Variants in FHIT observed in about 807,000 individuals in gnomAD.
The protein encoded by FHIT is fragile histidine triad diadenosine triphosphatase.
In FHIT, 19 loss-of-function variants were observed where a neutral mutation model predicts 17.9. The ratio of observed to expected loss-of-function variants is 1.06; its 90% CI spans 0.74 to 1.56. The LOEUF (loss-of-function observed/expected upper bound fraction) is 1.56, where lower values mean the gene tolerates loss of function less well. FHIT is among the 40% of genes most tolerant of loss of function. The pLI is 0.00. For synonymous variants in FHIT, 81 were observed against 69.7 expected (o/e 1.16, Z -0.81); for missense variants, 248 against 189.2 (o/e 1.31, Z -1.82).
At chr3:60,616,397 A>C (rs2038950972) in intron 4 of FHIT, among the ~76,000 whole-genome samples, 1 of 152,216 alleles carries the variant, frequency 6.6e-6, no homozygotes, top group South Asian at 2.1e-4. Flanking sequence ...AGGTGTGCTG[A>C]AAGTTTCTCC....
At chr3:60,151,424 C>A (rs1240336262) in intron 5 of FHIT, among the ~76,000 whole-genome samples, 1 of 152,186 alleles carries the variant, frequency 6.6e-6, no homozygotes, top group African/African-American at 2.4e-5. Flanking sequence ...GCCTCCTAAT[C>A]AGTCCAAACT....
At chr3:60,920,690 G>T (rs7646851) in intron 3 of FHIT, among the ~76,000 whole-genome samples, 25,273 of 152,082 alleles carry the variant, frequency 0.17, 2,565 homozygotes, top group Middle Eastern at 0.24. Context: ...GAGTAAACAA[G>T]GCGTGGGGAG....
intron 4 of FHIT, among the ~76,000 whole-genome samples, chr3:60,739,426 C>T (rs2108005807): frequency 6.6e-6 from 1 of 152,350 alleles, no homozygotes; most frequent in Admixed American, 6.5e-5. Context: ...GCTCCTGCAC[C>T]TGGCCATCTG....
intron 4 of FHIT, among the ~76,000 whole-genome samples, chr3:60,793,007 A>T (rs1322254878): frequency 1.3e-5 from 2 of 152,118 alleles, no homozygotes; most frequent in African/African-American, 4.8e-5. Context: ...CCTTTTACTG[A>T]AACTACTAAA....
chr3:60,574,692 T>C (rs902979417), intron 4 of FHIT, among the ~76,000 whole-genome samples: 1 of 152,132 alleles, frequency 6.6e-6, no homozygotes, highest in Non-Finnish European at 1.5e-5. Context: ...GGCTTGAGTG[T>C]GTCCCTGTAC....
intron 1 of FHIT, among the ~76,000 whole-genome samples, chr3:61,219,792 T>G (rs2039787743): frequency 6.6e-6 from 1 of 152,196 alleles, no homozygotes; most frequent in Non-Finnish European, 1.5e-5. Flanking sequence ...CAAAAAATCT[T>G]TACAAACCTC....
At chr3:59,879,999 G>A (rs983077748) in intron 8 of FHIT, among the ~76,000 whole-genome samples, 2 of 135,736 alleles carry the variant, frequency 1.5e-5, no homozygotes, top group Non-Finnish European at 3.0e-5. Flanking sequence ...AAGTCCATAT[G>A]GAAATAGGAG....
At chr3:60,765,959 C>A (rs565803077) in intron 4 of FHIT, among the ~76,000 whole-genome samples, 1 of 152,210 alleles carries the variant, frequency 6.6e-6, no homozygotes, top group South Asian at 2.1e-4. Flanking sequence ...CAGGAACTTG[C>A]AACAGTGGCT....
chr3:60,018,960 A>G (rs534183967), intron 5 of FHIT, among the ~76,000 whole-genome samples: 1 of 152,134 alleles, frequency 6.6e-6, no homozygotes, highest in Non-Finnish European at 1.5e-5. Context: ...AGCCTGGGCT[A>G]CAAGAGCAAA....
At chr3:60,032,168 T>C (rs78560818) in intron 5 of FHIT, among the ~76,000 whole-genome samples, 4,440 of 152,286 alleles carry the variant, frequency 0.029, 175 homozygotes, top group African/African-American at 0.091. Flanking sequence ...TGGTATTAAA[T>C]AACATGAATT....
At chr3:60,212,388 T>C (rs1396304289) in intron 5 of FHIT, among the ~76,000 whole-genome samples, 3 of 152,086 alleles carry the variant, frequency 2.0e-5, no homozygotes, top group Non-Finnish European at 2.9e-5. Flanking sequence ...GGGTATTTGT[T>C]GGATTTAAAA....
At chr3:60,856,589 C>G (rs1553750048) in intron 3 of FHIT, 2 of 152,092 alleles carry the variant, frequency 1.3e-5, no homozygotes, top group Non-Finnish European at 2.9e-5. Context: ...AGAAATGACC[C>G]CTGGAAATAT....
intron 2 of FHIT, among the ~76,000 whole-genome samples, chr3:61,163,363 T>C (rs2037750398): frequency 6.6e-6 from 1 of 152,240 alleles, no homozygotes; most frequent in African/African-American, 2.4e-5. Flanking sequence ...TCGCTGATGG[T>C]AGGGACCATA....
intron 4 of FHIT, among the ~76,000 whole-genome samples, chr3:60,779,138 A>G (rs1215382522): frequency 6.6e-6 from 1 of 152,232 alleles, no homozygotes; most frequent in Non-Finnish European, 1.5e-5. Flanking sequence ...TTATGCAAAT[A>G]ATCAGGCCAA....
At chr3:60,305,487 C>A (rs1156609613) in intron 5 of FHIT, among the ~76,000 whole-genome samples, 1 of 152,126 alleles carries the variant, frequency 6.6e-6, no homozygotes, top group Non-Finnish European at 1.5e-5. Context: ...TTACTGCCAA[C>A]AAGTTAATAT....
chr3:60,224,699 G>C (rs1445695235), intron 5 of FHIT, among the ~76,000 whole-genome samples: 1 of 130,058 alleles, frequency 7.7e-6, no homozygotes, highest in Non-Finnish European at 1.6e-5. Context: ...TCTCTCACCA[G>C]GATTTTTATT....
chr3:60,600,482 G>A (rs1413379120), intron 4 of FHIT, among the ~76,000 whole-genome samples: 1 of 152,092 alleles, frequency 6.6e-6, no homozygotes, highest in East Asian at 1.9e-4. Flanking sequence ...AAATGATAAG[G>A]ATTTTAAAAA....
At chr3:60,295,055 T>C (rs1251002525) in intron 5 of FHIT, among the ~76,000 whole-genome samples, 1 of 152,110 alleles carries the variant, frequency 6.6e-6, no homozygotes, top group East Asian at 1.9e-4. Context: ...TGATCACAAA[T>C]GCTGGGTTGT....
chr3:60,413,840 C>A (rs762398555), intron 5 of FHIT, among the ~76,000 whole-genome samples: 1 of 152,212 alleles, frequency 6.6e-6, no homozygotes, highest in East Asian at 1.9e-4. Flanking sequence ...ATTCACTCAT[C>A]CATTTGTTTA....
Sources: allele counts gnomAD v4.1 joint callset (sites outside exome capture counted in the v4.1 genomes callset), GRCh38; gene constraint gnomAD v4.1.1; transcripts MANE v1.5; gene names NCBI Gene and HGNC (gene_info 2026-07-23, HGNC 2026-07-21).